AP1G1: variants seen among roughly 807,000 people sequenced by gnomAD.
The protein encoded by AP1G1 is AP-1 complex subunit gamma-1.
Under a neutral mutation model 108.3 loss-of-function variants are expected in AP1G1, and 7 were observed. The ratio of observed to expected loss-of-function variants is 0.06; its 90% CI spans 0.04 to 0.12. AP1G1 has a LOEUF of 0.12. Ranked by LOEUF, AP1G1 falls within the 10% of genes least tolerant of loss-of-function variation. The probability of loss-of-function intolerance (pLI) is 1.00; values close to 1 mark genes in which losing one functional copy is unlikely to be tolerated. For synonymous variants in AP1G1, 379 were observed against 353.5 expected (o/e 1.07, Z -0.81); for missense variants, 756 against 1,010.7 (o/e 0.75, Z 3.42).
chr16:71,762,824 A>C (rs1003921421), intron 9 of AP1G1, among the ~76,000 whole-genome samples: 7 of 151,146 alleles, frequency 4.6e-5, no homozygotes, highest in African/African-American at 1.7e-4. Context: ...AAAACTGAGG[A>C]GGGGGTTGTG....
intron 2 of AP1G1, among the ~76,000 whole-genome samples, chr16:71,788,674 AAAAG>A (rs2032294786): frequency 1.3e-5 from 2 of 152,004 alleles, no homozygotes; most frequent in Admixed American, 6.6e-5. Flanking sequence ...TTTTAAAAAA[AAAAG>A]AAATAGGATC....
chr16:71,808,009 C>T (rs2142297207), intron 1 of AP1G1: 3 of 1,210,312 alleles, frequency 2.5e-6, no homozygotes, highest in South Asian at 1.5e-5. Context: ...GCTTCATAAA[C>T]ATTACCCTGA....
intron 1 of AP1G1, among the ~76,000 whole-genome samples, chr16:71,803,058 T>C (rs778701507): frequency 6.9e-4 from 105 of 151,766 alleles, no homozygotes; most frequent in Non-Finnish European, 1.3e-3. Context: ...CCACTAAAAA[T>C]ACAAAAAGTA....
intron 4 of AP1G1, 24 bp downstream of exon 4, chr16:71,773,197 G>A (rs367980897): frequency 6.8e-6 from 11 of 1,611,180 alleles, no homozygotes; most frequent in African/African-American, 1.3e-5. Flanking sequence ...AATCCAAACA[G>A]ACATTTGGTT....
chr16:71,794,795 T>C (rs1358619009), intron 1 of AP1G1, among the ~76,000 whole-genome samples: 1 of 146,630 alleles, frequency 6.8e-6, no homozygotes, highest in Non-Finnish European at 1.5e-5. Flanking sequence ...GATAAAGATT[T>C]TTCTCATACA....
intron 2 of AP1G1, among the ~76,000 whole-genome samples, chr16:71,778,280 C>A (rs560200360): frequency 2.4e-4 from 36 of 152,226 alleles, no homozygotes; most frequent in African/African-American, 8.2e-4. Context: ...GGTTATATGA[C>A]TGGAAATAGC....
Position 71,771,242 on chromosome 16 carries a change from C to G in AP1G1, c.479G>C (p.Cys160Ser). ...NSYLRKKAAL[C>S]AVHVIRKVPE... ...AACTTTCCTGATGACATGAACAGCA[C>G]ACAGTGCTGCCTATGAAAAAAAAAA... is the stretch of plus-strand genomic sequence containing the variant. The change falls in exon 5 of 23, where the codon TGT becomes TCT. Residue 160 changes from cysteine to serine, a missense_variant. Physicochemically the swap from Cys to Ser is moderately radical, Grantham distance 112. Around this residue, in one of 3 missense-constraint regions of AP1G1, gnomAD observed 304 missense variants for 483.6 expected, o/e 0.63. Transcript: ENST00000299980. 2 of 1,589,962 alleles carry G rather than the reference C, an allele frequency of 1.3e-6. No individual in the cohort carries two copies. The highest frequency in any genetic ancestry group is 2.7e-5 in the African/African-American group (2 of 73,950).
chr16:71,762,454 A>G (rs2031131026), intron 9 of AP1G1, among the ~76,000 whole-genome samples: 1 of 152,152 alleles, frequency 6.6e-6, no homozygotes, highest in Non-Finnish European at 1.5e-5. Context: ...ACTGGTTTCC[A>G]GGGGAACAAC....
At chr16:71,755,737 C>A (rs1427918639) in intron 12 of AP1G1, among the ~76,000 whole-genome samples, 1 of 152,040 alleles carries the variant, frequency 6.6e-6, no homozygotes, top group Non-Finnish European at 1.5e-5. Context: ...CCTCCACCTC[C>A]CAGGTTCAAG....
At chr16:71,756,475 C>T (rs1242948417) in intron 11 of AP1G1, among the ~76,000 whole-genome samples, 1 of 152,000 alleles carries the variant, frequency 6.6e-6, no homozygotes, top group Non-Finnish European at 1.5e-5. Flanking sequence ...ACCTGAGAGT[C>T]TCAAAAAGAG....
At chr16:71,766,939 G>A (rs2031341777) in intron 6 of AP1G1, among the ~76,000 whole-genome samples, 1 of 152,090 alleles carries the variant, frequency 6.6e-6, no homozygotes, top group Non-Finnish European at 1.5e-5. Flanking sequence ...TGTCAACTAT[G>A]GGCAAAGTTA....
intron 11 of AP1G1, among the ~76,000 whole-genome samples, chr16:71,757,202 G>A (rs942359166): frequency 6.6e-6 from 1 of 150,986 alleles, no homozygotes; most frequent in African/African-American, 2.4e-5. Context: ...TGTAATCCCA[G>A]CACTTTGGGA....
At chr16:71,801,179 T>C (rs905926169) in intron 1 of AP1G1, among the ~76,000 whole-genome samples, 6 of 151,996 alleles carry the variant, frequency 3.9e-5, no homozygotes, top group Non-Finnish European at 8.8e-5. Context: ...TGGTGGCAGG[T>C]GCCTATAATC....
intron 1 of AP1G1, among the ~76,000 whole-genome samples, chr16:71,801,124 T>C (rs2032781828): frequency 6.6e-6 from 1 of 152,094 alleles, no homozygotes; most frequent in African/African-American, 2.4e-5. Context: ...CAGGCCAACA[T>C]GGCGAAACCT....
At chr16:71,741,044 T>A (rs748416517) in intron 19 of AP1G1, among the ~76,000 whole-genome samples, 1 of 152,106 alleles carries the variant, frequency 6.6e-6, no homozygotes, top group Non-Finnish European at 1.5e-5. Flanking sequence ...AATCATACAA[T>A]AGAAGATAAT....
At chr16:71,741,454 G>A (rs1383367872) in intron 19 of AP1G1, among the ~76,000 whole-genome samples, 5 of 152,220 alleles carry the variant, frequency 3.3e-5, no homozygotes, top group East Asian at 1.9e-4. Flanking sequence ...GTGGTGGCAC[G>A]CGCCTATAGT....
chr16:71,797,636 T>C (rs1250044464), intron 1 of AP1G1, among the ~76,000 whole-genome samples: 1 of 151,900 alleles, frequency 6.6e-6, no homozygotes, highest in Non-Finnish European at 1.5e-5. Flanking sequence ...CCATCTCTAC[T>C]AAAAATACAA....
chr16:71,733,488 T>A (rs368496498), intron 22 of AP1G1, among the ~76,000 whole-genome samples: 101 of 7,410 alleles, frequency 0.014, no homozygotes, highest in African/African-American at 0.044. Flanking sequence ...TTGCCCAGGC[T>A]GGAGTGCAGT....
In AP1G1 at chr16:71,766,749, G is replaced by A. The variant is rs565986050; in HGVS notation, c.643-1165C>T. On this transcript the variant is annotated intron_variant, in intron 6 of 22. Coordinates refer to ENST00000299980, the MANE Select transcript of AP1G1 (RefSeq NM_001128.6). ...GCTATATCCAAGGCATGCACTCAAA[G>A]CATTCAAAACATTAAGGCCACTTAT... Among the ~76,000 whole-genome samples the A allele has an allele frequency of 7.9e-5, 12 of 152,224 alleles. No homozygotes were observed. In the South Asian group the frequency reaches 2.5e-3, roughly 32 times the overall value.
Sources: gnomAD v4.1 joint callset for allele counts (sites outside exome capture counted in the v4.1 genomes callset) on GRCh38, gnomAD v4.1.1 for gene constraint, gnomAD v4.1.1 regional missense constraint, MANE v1.5 for transcripts, NCBI Gene and HGNC (gene_info 2026-07-23, HGNC 2026-07-21) for gene names.